The following C12orf42 variants were observed in gnomAD, a reference collection of about 807,000 sequenced individuals.
The protein encoded by C12orf42 is chromosome 12 open reading frame 42.
Under a neutral mutation model 21.6 loss-of-function variants are expected in C12orf42, and 25 were observed. The observed-to-expected ratio is 1.16, with a 90% CI of 0.84 to 1.62. The LOEUF (loss-of-function observed/expected upper bound fraction) is 1.62. Ranked by LOEUF, C12orf42 falls within the 40% of genes most tolerant of loss-of-function variation. C12orf42 has a pLI of 0.00. For synonymous variants in C12orf42, 174 were observed against 175.0 expected, an observed-to-expected ratio of 0.99 and a Z score of 0.05; for missense variants, 483 against 459.3, an observed-to-expected ratio of 1.05 and a Z score of -0.47.
chr12:103,192,581 G>C, the C12orf42 span, among the ~76,000 whole-genome samples: 11 of 150,718 alleles, frequency 7.3e-5, no homozygotes, highest in Non-Finnish European at 1.3e-4. Flanking sequence ...GTAACCAAAA[G>C]AGAGAATAGG....
At chr12:103,256,115 C>T (rs893318988) in intron 10 of C12orf42, among the ~76,000 whole-genome samples, 2,225 of 31,656 alleles carry the variant, frequency 0.07, 84 homozygotes, top group African/African-American at 0.19. Context: ...TATATATACA[C>T]ACACACACAC....
At chr12:103,421,733 T>A (rs2049932284) in intron 2 of C12orf42, among the ~76,000 whole-genome samples, 1 of 152,178 alleles carries the variant, frequency 6.6e-6, no homozygotes. Context: ...TTATGAAACA[T>A]ACCGTTGGGC....
the C12orf42 span, among the ~76,000 whole-genome samples, chr12:103,544,697 T>G: frequency 6.6e-6 from 1 of 152,250 alleles, no homozygotes; most frequent in Non-Finnish European, 1.5e-5. Flanking sequence ...TTTATTGTTT[T>G]GTCTCTTTGT....
chr12:103,121,877 AT>A, the C12orf42 span, among the ~76,000 whole-genome samples: 59 of 152,276 alleles, frequency 3.9e-4, 1 homozygote, highest in Admixed American at 3.9e-3. Context: ...GTACTTTAAC[AT>A]TTTTTTAGAG....
At chr12:103,120,718 G>C in the C12orf42 span, among the ~76,000 whole-genome samples, 1 of 149,072 alleles carries the variant, frequency 6.7e-6, no homozygotes, top group African/African-American at 2.4e-5. Context: ...TATAATATCT[G>C]TTATTACTAT....
the C12orf42 span, among the ~76,000 whole-genome samples, chr12:103,551,237 T>C: frequency 3.9e-5 from 6 of 152,282 alleles, no homozygotes; most frequent in African/African-American, 1.4e-4. Context: ...ATACCATGTA[T>C]CTTAGTTGTC....
the C12orf42 span, among the ~76,000 whole-genome samples, chr12:103,128,788 T>C: frequency 3.1e-4 from 47 of 152,366 alleles, no homozygotes; most frequent in African/African-American, 9.9e-4. Flanking sequence ...TTTCAGATGA[T>C]AAGTTATTAG....
intron 2 of C12orf42, among the ~76,000 whole-genome samples, chr12:103,436,272 A>C (rs1335739374): frequency 1.3e-5 from 2 of 151,906 alleles, no homozygotes; most frequent in East Asian, 1.9e-4. Flanking sequence ...GGAAAGGAAC[A>C]ACCGGTACCA....
the C12orf42 span, among the ~76,000 whole-genome samples, chr12:103,534,046 C>T: frequency 2.7e-4 from 41 of 152,328 alleles, no homozygotes; most frequent in Middle Eastern, 3.4e-3. Flanking sequence ...CTTAGGCATA[C>T]AGTGAGTGCT....
intron 2 of C12orf42, among the ~76,000 whole-genome samples, chr12:103,413,047 G>A (rs2138948510): frequency 6.6e-6 from 1 of 152,320 alleles, no homozygotes; most frequent in Middle Eastern, 3.4e-3. Flanking sequence ...CCAATGTCAA[G>A]AAGAGTATTT....
At chr12:103,185,364 G>A in the C12orf42 span, among the ~76,000 whole-genome samples, 1 of 152,210 alleles carries the variant, frequency 6.6e-6, no homozygotes, top group Non-Finnish European at 1.5e-5. Flanking sequence ...AGTTATGATT[G>A]TGCTTGATCA....
At chr12:103,458,637 C>A (rs1222081577) in intron 2 of C12orf42, among the ~76,000 whole-genome samples, 1 of 152,172 alleles carries the variant, frequency 6.6e-6, no homozygotes, top group Non-Finnish European at 1.5e-5. Context: ...TCATCCCCAT[C>A]ATGAATCCTT....
At chr12:103,270,427 T>C (rs2035398798) in intron 5 of C12orf42, 1 of 151,872 alleles carries the variant, frequency 6.6e-6, no homozygotes, top group African/African-American at 2.4e-5. Context: ...AATAAAACTG[T>C]GAAAATCTAA....
the C12orf42 span, among the ~76,000 whole-genome samples, chr12:103,186,023 C>T: frequency 6.6e-6 from 1 of 152,198 alleles, no homozygotes; most frequent in East Asian, 1.9e-4. Context: ...CCTTAAGAAA[C>T]TAAGTTGGTC....
chr12:103,057,467 C>T, the C12orf42 span, among the ~76,000 whole-genome samples: 4 of 152,060 alleles, frequency 2.6e-5, no homozygotes, highest in Non-Finnish European at 5.9e-5. Flanking sequence ...TTTTCTATTC[C>T]TATATTACTT....
intron 2 of C12orf42, among the ~76,000 whole-genome samples, chr12:103,453,492 G>C (rs1278637030): frequency 6.6e-6 from 1 of 151,576 alleles, no homozygotes. Context: ...CAAAGTTTTT[G>C]TTGTTGTATT....
the C12orf42 span, among the ~76,000 whole-genome samples, chr12:103,148,468 G>C: frequency 6.6e-6 from 1 of 152,020 alleles, no homozygotes; most frequent in African/African-American, 2.4e-5. Flanking sequence ...GATCTTTTTT[G>C]ATGGTTAGAC....
chr12:103,116,746 T>C, the C12orf42 span, among the ~76,000 whole-genome samples: 2 of 152,188 alleles, frequency 1.3e-5, no homozygotes, highest in South Asian at 4.1e-4. Context: ...TTATCTATTG[T>C]AGTCTTCACT....
chr12:103,241,526 G>T (rs567163968), intron 10 of C12orf42, among the ~76,000 whole-genome samples: 2 of 152,152 alleles, frequency 1.3e-5, no homozygotes, highest in South Asian at 4.1e-4. Flanking sequence ...ACTGCAACAT[G>T]AGTTAGGAAA....
Sources: gnomAD v4.1 joint callset for allele counts (sites outside exome capture counted in the v4.1 genomes callset) on GRCh38, gnomAD v4.1.1 for gene constraint, MANE v1.5 for transcripts, NCBI Gene and HGNC (gene_info 2026-07-23, HGNC 2026-07-21) for gene names.